MNAT1: variants seen among roughly 807,000 people sequenced by gnomAD.
The protein encoded by MNAT1 is MNAT1 component of CDK activating kinase, also known as CDK-activating kinase assembly factor MAT1.
A neutral mutation model predicts 42.0 loss-of-function variants in MNAT1; 43 were observed. That is an observed-to-expected ratio of 1.02 (90% CI 0.80 to 1.32). The LOEUF (loss-of-function observed/expected upper bound fraction) is 1.32, where lower values mean the gene tolerates loss of function less well. Among genes scored for constraint, MNAT1 ranks in the 40% most tolerant of loss-of-function variants. The probability of loss-of-function intolerance (pLI) is 0.00; values close to 1 mark genes in which losing one functional copy is unlikely to be tolerated. For missense variants in MNAT1, 306 were observed against 350.4 expected, an observed-to-expected ratio of 0.87 and a Z score of 1.01; for synonymous variants, 118 against 120.0, an observed-to-expected ratio of 0.98 and a Z score of 0.11.
chr14:60,839,061 G>A (rs2033474829), intron 6 of MNAT1, among the ~76,000 whole-genome samples: 1 of 152,090 alleles, frequency 6.6e-6, no homozygotes, highest in South Asian at 2.1e-4. Context: ...ATGATTGATT[G>A]TGGCAGGAGG....
chr14:60,870,922 CA>C (rs2034312110), intron 6 of MNAT1, among the ~76,000 whole-genome samples: 1 of 152,146 alleles, frequency 6.6e-6, no homozygotes, highest in Non-Finnish European at 1.5e-5. Flanking sequence ...TAGCCCACAG[CA>C]ATTGTTAATC....
chr14:60,846,964 GTTTA>G (rs906948892), intron 6 of MNAT1, among the ~76,000 whole-genome samples: 5 of 152,048 alleles, frequency 3.3e-5, no homozygotes, highest in Non-Finnish European at 5.9e-5. Context: ...TTGTTGAATT[GTTTA>G]TTTCTCTCTC....
intron 6 of MNAT1, among the ~76,000 whole-genome samples, chr14:60,842,603 T>C (rs909633509): frequency 2.0e-5 from 3 of 152,230 alleles, no homozygotes; most frequent in Non-Finnish European, 4.4e-5. Context: ...TATTGTATAA[T>C]GGTCATATGC....
rs988255510 is a variant in MNAT1 at position 60,740,654 on chromosome 14, G to C, written c.89+5703G>C. Among the ~76,000 whole-genome samples the C allele has an allele frequency of 6.6e-6, 1 of 152,128 alleles. No individual in the cohort carries two copies. The highest frequency in any genetic ancestry group is 1.5e-5 in the Non-Finnish European group (1 of 68,022). On this transcript the variant is annotated intron_variant, in intron 1 of 7. Transcript: ENST00000261245. This position sits in a 1 kb window ranked among gnomAD's most constrained non-coding sequence, Gnocchi z 4.1. Reference sequence around the variant, plus strand: ...AAATTAGGAAAAGGCACTTATTTTAGGTGGAAGATTTAGAACAGGAACATT... The same window carrying C: ...AAATTAGGAAAAGGCACTTATTTTACGTGGAAGATTTAGAACAGGAACATT...
intron 7 of MNAT1, among the ~76,000 whole-genome samples, chr14:60,888,667 T>G (rs1206976488): frequency 2.0e-5 from 3 of 148,614 alleles, no homozygotes; most frequent in Non-Finnish European, 4.5e-5. Flanking sequence ...TGTCCCTGTT[T>G]GCAGATGACA....
At chr14:60,938,139 G>C (rs2139582402) in intron 7 of MNAT1, among the ~76,000 whole-genome samples, 1 of 152,282 alleles carries the variant, frequency 6.6e-6, no homozygotes, top group East Asian at 1.9e-4. Context: ...AAGGCGATGG[G>C]ATTTTCTAGA....
chr14:60,914,026 A>G (rs2035452906), intron 7 of MNAT1, among the ~76,000 whole-genome samples: 1 of 152,184 alleles, frequency 6.6e-6, no homozygotes, highest in South Asian at 2.1e-4. Flanking sequence ...GAGCAATGGC[A>G]GGTGCCCCTC....
At chr14:60,837,431 C>A (rs879257134) in intron 6 of MNAT1, among the ~76,000 whole-genome samples, 1 of 152,282 alleles carries the variant, frequency 6.6e-6, no homozygotes, top group Admixed American at 6.5e-5. Context: ...GGGCACCGTT[C>A]CTCACGGTGC....
chr14:60,776,422 G>T (rs1246198476), intron 1 of MNAT1, among the ~76,000 whole-genome samples: 2 of 152,154 alleles, frequency 1.3e-5, no homozygotes, highest in Non-Finnish European at 2.9e-5. Context: ...TGGGGCAAGA[G>T]ATCATTGGAG....
intron 1 of MNAT1, among the ~76,000 whole-genome samples, chr14:60,795,823 G>C (rs775513357): frequency 6.6e-6 from 1 of 152,130 alleles, no homozygotes; most frequent in Admixed American, 6.5e-5. Context: ...GGTATATAGG[G>C]CTCTCTAAAG....
At chr14:60,968,030 T>TTGCTATG (rs1415407279) in intron 7 of MNAT1, among the ~76,000 whole-genome samples, 199 bp from the exon 8 acceptor site, 4 of 152,232 alleles carry the variant, frequency 2.6e-5, no homozygotes, top group African/African-American at 4.8e-5. Context: ...GCTATGTAAT[T>TTGCTATG]TAATACTAGT....
chr14:60,746,530 A>G (rs1896621622), intron 1 of MNAT1, among the ~76,000 whole-genome samples: 1 of 151,390 alleles, frequency 6.6e-6, no homozygotes, highest in African/African-American at 2.4e-5. Flanking sequence ...AAAAAAAAGA[A>G]GAAAAAATCA....
chr14:60,860,927 AAT>A (rs1355902852), intron 6 of MNAT1, among the ~76,000 whole-genome samples: 1 of 152,240 alleles, frequency 6.6e-6, no homozygotes, highest in Non-Finnish European at 1.5e-5. Flanking sequence ...CTTCACCAAG[AAT>A]AGTTTTGGGT....
At chr14:60,861,995 G>A (rs1420168307) in intron 6 of MNAT1, among the ~76,000 whole-genome samples, 1 of 152,080 alleles carries the variant, frequency 6.6e-6, no homozygotes, top group Non-Finnish European at 1.5e-5. Context: ...AAAATGTTAT[G>A]GGAATGCCCG....
At chr14:60,936,089 G>A (rs1038485259) in intron 7 of MNAT1, among the ~76,000 whole-genome samples, 1 of 152,140 alleles carries the variant, frequency 6.6e-6, no homozygotes, top group African/African-American at 2.4e-5. Context: ...GCTACTGGTG[G>A]CTCCACCCCG....
intron 7 of MNAT1, 57 bp from the exon 8 acceptor site, chr14:60,968,172 T>C (rs2036716454): frequency 1.5e-6 from 2 of 1,308,494 alleles, no homozygotes; most frequent in Admixed American, 4.1e-5. Context: ...CTTTTTAAAA[T>C]GTTACCTATT....
intron 7 of MNAT1, among the ~76,000 whole-genome samples, chr14:60,882,729 C>T (rs1337027308): frequency 1.3e-5 from 2 of 152,106 alleles, no homozygotes; most frequent in Admixed American, 1.3e-4. Context: ...TTTTCCACAT[C>T]CTCTCCAGTA....
At chr14:60,957,532 A>G (rs2139614549) in intron 7 of MNAT1, among the ~76,000 whole-genome samples, 1 of 152,218 alleles carries the variant, frequency 6.6e-6, no homozygotes, top group South Asian at 2.1e-4. Context: ...TGATTCATTT[A>G]CCTCCTACTA....
intron 7 of MNAT1, among the ~76,000 whole-genome samples, chr14:60,899,863 A>C (rs1177894862): frequency 6.6e-6 from 1 of 152,098 alleles, no homozygotes. Flanking sequence ...TCTGTTTTTC[A>C]CATTTGGTTA....
Sources: gnomAD v4.1 joint callset for allele counts (sites outside exome capture counted in the v4.1 genomes callset) on GRCh38, gnomAD v4.1.1 for gene constraint, Gnocchi (gnomAD v3.1) non-coding constraint, MANE v1.5 for transcripts, NCBI Gene and HGNC (gene_info 2026-07-23, HGNC 2026-07-21) for gene names.